Variants in RAD50 observed in about 807,000 individuals in gnomAD.
RAD50 encodes the protein RAD50 double strand break repair protein, also known as DNA repair protein RAD50.
RAD50 carries 132 observed loss-of-function variants against 168.8 expected under a neutral mutation model. The ratio of observed to expected loss-of-function variants is 0.78; its 90% confidence interval spans 0.68 to 0.90. The LOEUF (loss-of-function observed/expected upper bound fraction) is 0.90, where lower values mean the gene tolerates loss of function less well. Among genes scored for constraint, RAD50 ranks in the 40% least tolerant of loss-of-function variants. RAD50 has a pLI of 0.00. For synonymous variants in RAD50, 525 were observed against 497.4 expected, an observed-to-expected ratio of 1.06 and a Z score of -0.74; for missense variants, 1,347 against 1,534.4, an observed-to-expected ratio of 0.88 and a Z score of 2.04.
At chr5:132,591,147 T>C in intron 9 of RAD50, 77 bp from the exon 10 acceptor site, 1 of 1,426,004 alleles carries the variant, frequency 7.0e-7, no homozygotes, top group Non-Finnish European at 9.9e-7. Context: ...GTAGTTAATT[T>C]CTAATACACT....
chr5:132,599,101 G>A (rs530674316), intron 13 of RAD50, among the ~76,000 whole-genome samples: 14 of 152,228 alleles, frequency 9.2e-5, no homozygotes, highest in African/African-American at 2.6e-4. Flanking sequence ...GTCTATTCCC[G>A]TTATTGATTG....
rs370196404 is a variant in RAD50 at position 132,617,182 on chromosome 5, A to G, written c.3165-888A>G. 2.9e-4 allele frequency among the ~76,000 whole-genome samples: 44 copies of G among 152,334 alleles called. No individual in the cohort carries two copies. The East Asian group carries it at 3.3e-3, about 11-fold the overall frequency. On this transcript the variant is annotated intron_variant, in intron 20 of 24. Coordinates refer to ENST00000378823, the MANE Select transcript of RAD50 (RefSeq NM_005732.4). ...CGATACTCTCCATGGCAAGTTGGAA[A>G]AGTAATGCTTCTAGAAGAAATTTTG...
intron 9 of RAD50, among the ~76,000 whole-genome samples, chr5:132,590,833 A>G (rs912569561): frequency 9.2e-5 from 14 of 152,328 alleles, no homozygotes; most frequent in Non-Finnish European, 1.5e-4. Flanking sequence ...TTGGTCAGGG[A>G]CCACATCACA....
rs1172571202 is a variant in RAD50 at position 132,643,174 on chromosome 5, A to G, written c.*810A>G. On this transcript the variant is annotated 3_prime_UTR_variant, in exon 25 of 25. Coordinates refer to ENST00000378823, the MANE Select transcript of RAD50 (RefSeq NM_005732.4). ...CATACTGGCTTCACCATCAATCCTG[A>G]TTCCTCTCTAAGTGGGCATTGCCAT... 1 of 428,304 alleles carries G rather than the reference A, an allele frequency of 2.3e-6. No individual in the cohort carries two copies. Among genetic ancestry groups the G allele is most frequent in the Non-Finnish European group, 5.0e-6 (1 of 199,340 alleles). 26.5% of individuals were successfully genotyped at this position (428,304 alleles called of 1,614,324 possible). A position where few individuals can be genotyped will look rare whatever the true frequency, so the allele number is the denominator to read the frequency against.
intron 23 of RAD50, among the ~76,000 whole-genome samples, chr5:132,638,805 AAATCAGGAAGAGGAATGAAGTTTTAAAG>A (rs1323130832): frequency 6.6e-6 from 1 of 152,182 alleles, no homozygotes; most frequent in African/African-American, 2.4e-5. Context: ...CCTACATTGG[AAATCAGGAAGAGGAATGAAGTTTTAAAG>A]AATCAGGAAT....
At chr5:132,578,524 CTTTTTTTTTTT>C (rs903882684) in intron 3 of RAD50, among the ~76,000 whole-genome samples, 1 of 84,340 alleles carries the variant, frequency 1.2e-5, no homozygotes, top group Admixed American at 1.4e-4. Context: ...TTTTTTCTTT[CTTTTTTTTTTT>C]TTTTTTTTTT....
chr5:132,623,227 C>T (rs1751314224), intron 21 of RAD50, among the ~76,000 whole-genome samples: 1 of 152,114 alleles, frequency 6.6e-6, no homozygotes, highest in Non-Finnish European at 1.5e-5. Flanking sequence ...GCCTGTAAGC[C>T]CAGCACTTTG....
At chr5:132,567,610 G>A (rs1750230547) in intron 2 of RAD50, among the ~76,000 whole-genome samples, 1 of 152,172 alleles carries the variant, frequency 6.6e-6, no homozygotes, top group African/African-American at 2.4e-5. Flanking sequence ...CAAATACTAA[G>A]CTATCCATGT....
At chr5:132,562,914 G>C (rs1167524240) in intron 2 of RAD50, among the ~76,000 whole-genome samples, 1 of 152,156 alleles carries the variant, frequency 6.6e-6, no homozygotes. Flanking sequence ...TGGTGTCTTG[G>C]AAGACAAGAG....
In RAD50 at chr5:132,592,411, G is replaced by A. The variant is rs187380848; in HGVS notation, c.1793+377G>A. Among the ~76,000 whole-genome samples the A allele has an allele frequency of 2.4e-3, 370 of 152,210 alleles. 4 individuals carry two copies. The highest frequency in any genetic ancestry group is 8.5e-3 in the African/African-American group (354 of 41,542). ...AGATTAAGAAACTAGAAGACAGGAGGAGCCAAATCAGGACTGTAAGGTGGA... is the reference window on the plus strand; with the variant it reads ...AGATTAAGAAACTAGAAGACAGGAGAAGCCAAATCAGGACTGTAAGGTGGA... On this transcript the variant is annotated intron_variant, in intron 11 of 24. Transcript: ENST00000378823.
At chr5:132,604,154 G>T in intron 15 of RAD50, 108 bp downstream of exon 15, 2 of 1,356,386 alleles carry the variant, frequency 1.5e-6, no homozygotes, top group South Asian at 2.5e-5. Flanking sequence ...GTTCCTTCCT[G>T]TCCACATATA....
At chr5:132,613,229 A>C (rs1395149205) in intron 19 of RAD50, among the ~76,000 whole-genome samples, 1 of 152,202 alleles carries the variant, frequency 6.6e-6, no homozygotes, top group South Asian at 2.1e-4. Context: ...AAGCCCTGCT[A>C]AATTTAGTCC....
rs368980595 is a variant in RAD50 at position 132,618,134 on chromosome 5, C to A, written c.3229C>A (p.Arg1077=). Residue 1077 remains arginine (R), a synonymous_variant, in exon 21 of 25, where the codon CGA becomes AGA. Transcript: ENST00000378823. ...AAGAAATCATAATTTGGCATTAGGG[C>A]GACAGAAAGGTTATGAAGAAGAAAT... The part of the protein sequence containing the change: ...IKRNHNLALG[R]QKGYEEEIIH... The A allele has an allele frequency of 6.2e-7, 1 of 1,613,568 alleles. No individual in the cohort carries two copies. Among genetic ancestry groups the A allele is most frequent in the South Asian group, 1.1e-5 (1 of 90,996 alleles).
chr5:132,619,874 A>ATATATATATATATCTT (rs1160592963), intron 21 of RAD50, among the ~76,000 whole-genome samples: 16 of 110,376 alleles, frequency 1.4e-4, no homozygotes, highest in African/African-American at 4.6e-4. Context: ...ATATAAAGAT[A>ATATATATATATATCTT]TATATATATA....
intron 11 of RAD50, among the ~76,000 whole-genome samples, 197 bp from the exon 12 acceptor site, chr5:132,594,672 T>G (rs1419853183): frequency 1.3e-5 from 2 of 152,150 alleles, no homozygotes; most frequent in Non-Finnish European, 2.9e-5. Context: ...TGAGTAGGAC[T>G]GGCAGGTGAG....
At chr5:132,567,599 C>A (rs564091147) in intron 2 of RAD50, among the ~76,000 whole-genome samples, 1 of 152,220 alleles carries the variant, frequency 6.6e-6, no homozygotes, top group South Asian at 2.1e-4. Context: ...GAGTCTTTGG[C>A]CAAATACTAA....
Position 132,589,785 on chromosome 5 carries a change from TGGAA to T in RAD50, c.1404_1407del (p.Glu468AspfsTer14), listed in dbSNP as rs762364981. On this transcript the variant is annotated frameshift_variant, in exon 9 of 25. Transcript: ENST00000378823. LOFTEE classifies it high-confidence loss of function. ...AATGTGAAGTATGAATTACAGCAGT[TGGAA>T]GGATCTTCAGACAGGATTCTTGAAC... 6.2e-7 allele frequency: 1 copy of T among 1,613,782 alleles called. No individual in the cohort carries two copies. The highest frequency in any genetic ancestry group is 8.5e-7 in the Non-Finnish European group (1 of 1,179,872).
rs567629969 is a variant in RAD50 at position 132,601,021 on chromosome 5, T to TA, written c.2208-2271dup. ...AATAAAAAATAAAATGTCATAAATT[T>TA]AAAAAAAAGAAAAACAAACCCAGAG... On this transcript the variant is annotated intron_variant, in intron 13 of 24. Coordinates refer to ENST00000378823, the MANE Select transcript of RAD50 (RefSeq NM_005732.4). 1.4e-4 allele frequency among the ~76,000 whole-genome samples: 21 copies of TA among 151,924 alleles called. No individual in the cohort carries two copies. In the South Asian group the frequency reaches 4.2e-3, roughly 30 times the overall value.
chr5:132,587,996 A>G lies in RAD50; in HGVS notation c.958A>G (p.Arg320Gly). 1 of 1,612,048 alleles carries G rather than the reference A, an allele frequency of 6.2e-7. No homozygotes were observed. The change falls in exon 7 of 25, where the codon AGG (arginine) becomes GGG (glycine). Residue 320 changes from arginine to glycine, a missense_variant. Arg to Gly is a moderately radical substitution (Grantham distance 125, BLOSUM62 -2). Coordinates refer to ENST00000378823, the MANE Select transcript of RAD50 (RefSeq NM_005732.4). ...NHQRTVREKERKLVDCHRELE... is the reference protein window; with the variant it reads ...NHQRTVREKEGKLVDCHRELE... ...CCAGAGAACAGTAAGGGAGAAAGAA[A>G]GGAAATTGGTAGACTGTCATCGTGA...
Sources: gnomAD v4.1 joint callset for allele counts (sites outside exome capture counted in the v4.1 genomes callset) on GRCh38, gnomAD v4.1.1 for gene constraint, MANE v1.5 for transcripts, NCBI Gene and HGNC (gene_info 2026-07-23, HGNC 2026-07-21) for gene names.